Variants in ZNF423 observed in about 807,000 individuals in gnomAD.
ZNF423 encodes zinc finger protein 423.
A neutral mutation model predicts 95.8 loss-of-function variants in ZNF423; 12 were observed. The observed-to-expected ratio is 0.13, with a 90% CI of 0.08 to 0.20. The LOEUF (loss-of-function observed/expected upper bound fraction) is 0.20, where lower values mean the gene tolerates loss of function less well. Among genes scored for constraint, ZNF423 ranks in the 10% least tolerant of loss-of-function variants. The probability of loss-of-function intolerance (pLI) is 1.00; values close to 1 mark genes in which losing one functional copy is unlikely to be tolerated. For missense variants in ZNF423, 1,316 were observed against 1,737.1 expected (o/e 0.76, Z 4.31); for synonymous variants, 749 against 711.9 (o/e 1.05, Z -0.83).
chr16:49,540,536 C>T (rs1249876797), intron 5 of ZNF423, among the ~76,000 whole-genome samples: 2 of 152,116 alleles, frequency 1.3e-5, no homozygotes, highest in Non-Finnish European at 2.9e-5. Context: ...TCACCTCGGC[C>T]TCCCCATGTG....
chr16:49,640,396 A>G (rs1972932828), intron 3 of ZNF423, among the ~76,000 whole-genome samples: 1 of 152,154 alleles, frequency 6.6e-6, no homozygotes. Flanking sequence ...GCACACGCTC[A>G]TGTACACACA....
Position 49,623,218 on chromosome 16 carries a change from T to C in ZNF423, c.3601+2952A>G, listed in dbSNP as rs191458821. Among the ~76,000 whole-genome samples the C allele has an allele frequency of 2.8e-4, 43 of 152,306 alleles. 1 individual carries two copies. The East Asian group carries it at 5.4e-3, about 19-fold the overall frequency. ...AACTCCCACGTTCCTGGGCTCCAGG[T>C]CAGCTGACAGCGCTGCAGGGCAGGA... is the stretch of plus-strand genomic sequence containing the variant. On this transcript the variant is annotated intron_variant, in intron 5 of 7. Transcript: ENST00000563137.
intron 5 of ZNF423, among the ~76,000 whole-genome samples, chr16:49,562,970 G>C (rs1209487882): frequency 6.6e-6 from 1 of 152,148 alleles, no homozygotes; most frequent in Non-Finnish European, 1.5e-5. Flanking sequence ...ATTTTTAGTA[G>C]AGATGGGGTT....
intron 5 of ZNF423, among the ~76,000 whole-genome samples, chr16:49,526,323 G>C (rs1224643167): frequency 6.6e-6 from 1 of 152,158 alleles, no homozygotes; most frequent in Non-Finnish European, 1.5e-5. Context: ...ATGGACAACA[G>C]GCAAACTCGC....
intron 3 of ZNF423, among the ~76,000 whole-genome samples, chr16:49,660,257 G>A (rs1308350971): frequency 6.6e-6 from 1 of 152,080 alleles, no homozygotes; most frequent in Non-Finnish European, 1.5e-5. Flanking sequence ...GGAAGCTCTT[G>A]GTAACTGTGG....
At chr16:49,726,745 T>C (rs1333620566) in intron 3 of ZNF423, among the ~76,000 whole-genome samples, 2 of 150,392 alleles carry the variant, frequency 1.3e-5, no homozygotes, top group African/African-American at 4.9e-5. Context: ...AAAAGCCTCA[T>C]CTACAGACAT....
chr16:49,691,734 GA>G (rs970517185), intron 3 of ZNF423, among the ~76,000 whole-genome samples: 100 of 143,036 alleles, frequency 7.0e-4, no homozygotes, highest in African/African-American at 1.3e-3. Flanking sequence ...TCCATCTCAA[GA>G]AAAAAAAAAA....
intron 1 of ZNF423, among the ~76,000 whole-genome samples, chr16:49,810,123 AGGGTGGTCTG>A (rs1328393803): frequency 4.6e-5 from 7 of 152,140 alleles, no homozygotes; most frequent in African/African-American, 1.7e-4. Context: ...CCAGAGGTCC[AGGGTGGTCTG>A]GGGTCGGGGA....
At chr16:49,491,658 C>A (rs989381936) in intron 7 of ZNF423, among the ~76,000 whole-genome samples, 2 of 151,536 alleles carry the variant, frequency 1.3e-5, no homozygotes, top group Non-Finnish European at 2.9e-5. Context: ...CCCTGTTCAC[C>A]TCTCCATCTC....
In ZNF423 at chr16:49,569,128, C is replaced by T. The variant is rs1353241658; in HGVS notation, c.3602-43634G>A. ...TTCTCCACAATCTACCCTCTCCTTTCCACCTCTGCTACCAGCATCCTTCTT... is the reference window on the plus strand; with the variant it reads ...TTCTCCACAATCTACCCTCTCCTTTTCACCTCTGCTACCAGCATCCTTCTT... On this transcript the variant is annotated intron_variant, in intron 5 of 7. Coordinates refer to ENST00000563137, the MANE Select transcript of ZNF423 (RefSeq NM_001379286.1). Among the ~76,000 whole-genome samples, 4 of 152,222 alleles carry T rather than the reference C, an allele frequency of 2.6e-5. No individual in the cohort carries two copies. The East Asian group carries it at 5.8e-4, about 22-fold the overall frequency.
chr16:49,567,693 A>G (rs1363521245), intron 5 of ZNF423, among the ~76,000 whole-genome samples: 1 of 152,220 alleles, frequency 6.6e-6, no homozygotes. Context: ...GTGCAAGGAA[A>G]TTAGGTGCAT....
In ZNF423 at chr16:49,627,527, T is replaced by C. The variant is rs111288890; in HGVS notation, c.3517-1273A>G. ...ACCCACCCATCCACCCATCAATCCATCCTCCATCTACCCATCCATCCATCT... is the reference window on the plus strand; with the variant it reads ...ACCCACCCATCCACCCATCAATCCACCCTCCATCTACCCATCCATCCATCT... On this transcript the variant is annotated intron_variant, in intron 4 of 7. Transcript: ENST00000563137. 4.2e-3 allele frequency among the ~76,000 whole-genome samples: 548 copies of C among 129,196 alleles called. 2 individuals are homozygous for C. Among genetic ancestry groups the C allele is most frequent in the Non-Finnish European group, 7.1e-3 (401 of 56,756 alleles). The allele number at this position is 129,196 out of a possible 152,430, so 84.8% of individuals were successfully genotyped here.
intron 1 of ZNF423, among the ~76,000 whole-genome samples, chr16:49,828,266 C>T (rs1306430503): frequency 1.3e-5 from 2 of 152,320 alleles, no homozygotes; most frequent in African/African-American, 4.8e-5. Context: ...CAAATATCTC[C>T]TGTTTATCTT....
chr16:49,610,766 CA>C (rs1385673845), intron 5 of ZNF423, among the ~76,000 whole-genome samples: 1 of 151,640 alleles, frequency 6.6e-6, no homozygotes, highest in African/African-American at 2.4e-5. Flanking sequence ...GTGCTGTCTA[CA>C]AAAAACTCAC....
intron 3 of ZNF423, among the ~76,000 whole-genome samples, chr16:49,683,587 A>T (rs1353251631): frequency 1.3e-5 from 2 of 152,210 alleles, no homozygotes; most frequent in Non-Finnish European, 2.9e-5. Context: ...CTATGCCACA[A>T]GGTACATTGA....
At chr16:49,846,469 G>A (rs1394556919) in intron 1 of ZNF423, among the ~76,000 whole-genome samples, 1 of 152,172 alleles carries the variant, frequency 6.6e-6, no homozygotes, top group African/African-American at 2.4e-5. Context: ...TGTTTTTCAG[G>A]ATTAGGAGAG....
At chr16:49,640,013 T>C (rs1171806725) in intron 3 of ZNF423, among the ~76,000 whole-genome samples, 3 of 152,052 alleles carry the variant, frequency 2.0e-5, no homozygotes, top group Admixed American at 2.0e-4. Flanking sequence ...TAATAATGAA[T>C]GAAACAGACC....
At chr16:49,663,386 C>A (rs1438322561) in intron 3 of ZNF423, among the ~76,000 whole-genome samples, 1 of 152,098 alleles carries the variant, frequency 6.6e-6, no homozygotes, top group Admixed American at 6.6e-5. Flanking sequence ...ACCACTGAGG[C>A]CCCCCAGCCC....
chr16:49,505,632 G>A (rs554845017), intron 7 of ZNF423, among the ~76,000 whole-genome samples: 1 of 152,310 alleles, frequency 6.6e-6, no homozygotes, highest in East Asian at 1.9e-4. Flanking sequence ...CAAAACTGCA[G>A]CTGAGACCGA....
Sources: allele counts gnomAD v4.1 joint callset (sites outside exome capture counted in the v4.1 genomes callset), GRCh38; gene constraint gnomAD v4.1.1; transcripts MANE v1.5; gene names NCBI Gene and HGNC (gene_info 2026-07-23, HGNC 2026-07-21).